Variants in BMAL1 observed in about 807,000 individuals in gnomAD.
BMAL1 encodes the protein basic helix-loop-helix ARNT-like protein 1.
chr11:13,354,356 G>A, the BMAL1 span: 1 of 1,613,942 alleles, frequency 6.2e-7, no homozygotes, highest in South Asian at 1.1e-5. Context: ...GTGATTTCAT[G>A]TCCCCGGGCC....
At chr11:13,387,048 A>T in the BMAL1 span, 1 of 260,120 alleles carries the variant, frequency 3.8e-6, no homozygotes, top group African/African-American at 2.2e-5. Flanking sequence ...ATCATTGTGC[A>T]CAGAAGCATC....
chr11:13,380,087 AATG>A, the BMAL1 span: 1 of 152,340 alleles, frequency 6.6e-6, no homozygotes, highest in South Asian at 2.1e-4. Context: ...TGAAATCAGG[AATG>A]ATGAAACAGC....
the BMAL1 span, among the ~76,000 whole-genome samples, chr11:13,294,840 C>G: frequency 1.1e-3 from 167 of 152,330 alleles, no homozygotes; most frequent in African/African-American, 4.0e-3. Context: ...TCTCGGGCCC[C>G]TGCCGTTTCC....
chr11:13,356,374 AT>A, the BMAL1 span: 3 of 499,866 alleles, frequency 6.0e-6, no homozygotes, highest in African/African-American at 6.1e-5. Flanking sequence ...ATCCAGAATG[AT>A]GGGGGGGGAG....
At chr11:13,317,903 A>C in the BMAL1 span, among the ~76,000 whole-genome samples, 5 of 152,242 alleles carry the variant, frequency 3.3e-5, no homozygotes, top group African/African-American at 1.2e-4. Flanking sequence ...TGGCTTGCAG[A>C]TGTGTTTTGT....
the BMAL1 span, among the ~76,000 whole-genome samples, chr11:13,328,256 C>T: frequency 9.3e-4 from 141 of 152,216 alleles, no homozygotes; most frequent in Non-Finnish European, 1.6e-3. Context: ...TTAGCTTCAG[C>T]AGGGTTTAAT....
the BMAL1 span, among the ~76,000 whole-genome samples, chr11:13,347,241 T>C: frequency 6.6e-6 from 1 of 151,710 alleles, no homozygotes; most frequent in African/African-American, 2.4e-5. Flanking sequence ...ATTAGCTACG[T>C]ATGGTGGCAC....
chr11:13,372,736 G>A, the BMAL1 span, among the ~76,000 whole-genome samples: 57 of 152,170 alleles, frequency 3.7e-4, no homozygotes, highest in African/African-American at 1.2e-3. Context: ...GCTGAGCCTC[G>A]GGAGGTCAAG....
chr11:13,309,095 C>G, the BMAL1 span, among the ~76,000 whole-genome samples: 1 of 152,088 alleles, frequency 6.6e-6, no homozygotes, highest in Non-Finnish European at 1.5e-5. Context: ...CATGTATTTT[C>G]TCACAATTAA....
chr11:13,310,915 G>A, the BMAL1 span, among the ~76,000 whole-genome samples: 1 of 152,256 alleles, frequency 6.6e-6, no homozygotes, highest in African/African-American at 2.4e-5. Context: ...GAAGGCAGCA[G>A]CAGTCATCCA....
the BMAL1 span, among the ~76,000 whole-genome samples, chr11:13,320,779 A>G: frequency 6.6e-6 from 1 of 152,294 alleles, no homozygotes; most frequent in East Asian, 1.9e-4. Context: ...ATCATGAACA[A>G]TGTGTATTCT....
the BMAL1 span, among the ~76,000 whole-genome samples, chr11:13,370,512 C>T: frequency 6.6e-6 from 1 of 152,238 alleles, no homozygotes; most frequent in African/African-American, 2.4e-5. Flanking sequence ...CAGCTGGCTG[C>T]TCATGCTAGA....
the BMAL1 span, chr11:13,380,123 G>GA: frequency 5.9e-5 from 9 of 152,202 alleles, no homozygotes; most frequent in Admixed American, 4.6e-4. Flanking sequence ...AGAAACCTGG[G>GA]AAAATAGTGG....
chr11:13,280,431 C>T, the BMAL1 span, among the ~76,000 whole-genome samples: 1 of 152,208 alleles, frequency 6.6e-6, no homozygotes, highest in African/African-American at 2.4e-5. Flanking sequence ...AAGGTAAAAA[C>T]TAGATAGTTA....
At chr11:13,365,370 A>T in the BMAL1 span, 1 of 695,664 alleles carries the variant, frequency 1.4e-6, no homozygotes, top group East Asian at 3.0e-5. Context: ...TGCACTCAGG[A>T]TATCACTGAA....
At chr11:13,294,453 A>G in the BMAL1 span, among the ~76,000 whole-genome samples, 1 of 152,370 alleles carries the variant, frequency 6.6e-6, no homozygotes, top group African/African-American at 2.4e-5. Flanking sequence ...TTAAAAATTA[A>G]TCTCACAAAT....
chr11:13,361,141 A>C, the BMAL1 span, among the ~76,000 whole-genome samples: 1 of 152,170 alleles, frequency 6.6e-6, no homozygotes, highest in Non-Finnish European at 1.5e-5. Context: ...GTGGTCCAAA[A>C]AAGAAAAATA....
At chr11:13,371,989 CAGTT>C in the BMAL1 span, among the ~76,000 whole-genome samples, 16 of 152,146 alleles carry the variant, frequency 1.1e-4, no homozygotes, top group African/African-American at 3.6e-4. Flanking sequence ...CACTGGATGA[CAGTT>C]TGTTTCTCTT....
chr11:13,330,162 G>T, the BMAL1 span, among the ~76,000 whole-genome samples: 1 of 152,210 alleles, frequency 6.6e-6, no homozygotes, highest in Non-Finnish European at 1.5e-5. Context: ...TGCCAAAGCA[G>T]CAGGCCTTGA....
Sources: gnomAD v4.1 joint callset for allele counts (sites outside exome capture counted in the v4.1 genomes callset) on GRCh38, gnomAD v4.1.1 for gene constraint, MANE v1.5 for transcripts, NCBI Gene and HGNC (gene_info 2026-07-23, HGNC 2026-07-21) for gene names.